C2orf76: variants seen among roughly 807,000 people sequenced by gnomAD.
C2orf76 encodes chromosome 2 open reading frame 76.
C2orf76 carries 23 observed loss-of-function variants against 16.9 expected under a neutral mutation model. The ratio of observed to expected loss-of-function variants is 1.36; its 90% CI spans 0.98 to 1.93. The LOEUF (loss-of-function observed/expected upper bound fraction) is 1.93. Ranked by LOEUF, C2orf76 falls within the 30% of genes most tolerant of loss-of-function variation. The probability of loss-of-function intolerance (pLI) is 0.00; values close to 1 mark genes in which losing one functional copy is unlikely to be tolerated. For synonymous variants in C2orf76, 48 were observed against 52.3 expected (o/e 0.92, Z 0.35); for missense variants, 152 against 152.6 (o/e 1.00, Z 0.02).
intron 5 of C2orf76, among the ~76,000 whole-genome samples, chr2:119,304,221 A>G (rs1484787891): frequency 2.0e-5 from 3 of 152,250 alleles, no homozygotes; most frequent in Admixed American, 1.3e-4. Flanking sequence ...TGAGCAAAAG[A>G]CACCCTGTTC....
chr2:119,336,055 A>T (rs1490577287), intron 2 of C2orf76, among the ~76,000 whole-genome samples: 1 of 152,168 alleles, frequency 6.6e-6, no homozygotes, highest in African/African-American at 2.4e-5. Flanking sequence ...TCATCTATAG[A>T]TGGTAATATA....
downstream of C2orf76, among the ~76,000 whole-genome samples, chr2:119,298,298 G>T (rs1678569871): frequency 1.3e-5 from 2 of 152,130 alleles, no homozygotes; most frequent in African/African-American, 4.8e-5. Flanking sequence ...ATGGTATGAA[G>T]TAGGACCCTT....
At chr2:119,366,953 A>C (rs1681036652), upstream of C2orf76, 1 of 1,492,552 alleles carries the variant, frequency 6.7e-7, no homozygotes, top group East Asian at 2.3e-5. Context: ...GGGCGAGTGG[A>C]CCGCGCCTCT....
intron 1 of C2orf76, among the ~76,000 whole-genome samples, chr2:119,363,271 A>G (rs1425864397): frequency 6.6e-6 from 1 of 152,020 alleles, no homozygotes. Context: ...CAAAATACAA[A>G]AAATTAGCCG....
At chr2:119,347,694 A>G (rs1680249526) in intron 1 of C2orf76, among the ~76,000 whole-genome samples, 1 of 152,174 alleles carries the variant, frequency 6.6e-6, no homozygotes, top group South Asian at 2.1e-4. Context: ...CAACATATCG[A>G]GACCTCATCT....
intron 4 of C2orf76, among the ~76,000 whole-genome samples, chr2:119,313,405 T>C (rs1254752974): frequency 2.0e-5 from 3 of 151,728 alleles, no homozygotes; most frequent in Admixed American, 2.0e-4. Context: ...CTGAGCAAGA[T>C]AGCAAGACCC....
chr2:119,366,460 G>C (rs1436647481), intron 1 of C2orf76: 1 of 471,662 alleles, frequency 2.1e-6, no homozygotes, highest in Non-Finnish European at 4.4e-6. Flanking sequence ...AAGAAGCCTC[G>C]GCTTCGCCTT....
At chr2:119,287,480 A>G in the C2orf76 span, among the ~76,000 whole-genome samples, 1 of 151,528 alleles carries the variant, frequency 6.6e-6, no homozygotes. Context: ...TCAAGTATAC[A>G]ACTTTAGAGG....
At chr2:119,311,826 C>T (rs1309018797) in intron 4 of C2orf76, 123 bp from the exon 5 acceptor site, 6 of 918,174 alleles carry the variant, frequency 6.5e-6, no homozygotes, top group Non-Finnish European at 9.6e-6. Context: ...TTCCACTGCC[C>T]TGGCCGTAAT....
chr2:119,294,367 G>T, the C2orf76 span, among the ~76,000 whole-genome samples: 2 of 152,200 alleles, frequency 1.3e-5, no homozygotes, highest in Non-Finnish European at 2.9e-5. Context: ...AGGGTATGGA[G>T]AACTCGGTTC....
chr2:119,308,764 C>T (rs1313918567), intron 5 of C2orf76, among the ~76,000 whole-genome samples: 3 of 152,236 alleles, frequency 2.0e-5, no homozygotes, highest in Admixed American at 2.0e-4. Flanking sequence ...GGGCTAACCC[C>T]ACCACCCTTC....
intron 1 of C2orf76, among the ~76,000 whole-genome samples, chr2:119,342,704 A>T (rs1378701600): frequency 1.3e-5 from 2 of 152,154 alleles, no homozygotes; most frequent in Non-Finnish European, 2.9e-5. Flanking sequence ...TGGGGCTTCA[A>T]TTATATTAGT....
At chr2:119,314,229 A>C (rs1018498188) in intron 4 of C2orf76, among the ~76,000 whole-genome samples, 1 of 151,848 alleles carries the variant, frequency 6.6e-6, no homozygotes, top group Non-Finnish European at 1.5e-5. Flanking sequence ...CATCGTGGAG[A>C]ATTTCAAATA....
intron 2 of C2orf76, among the ~76,000 whole-genome samples, chr2:119,334,693 A>G (rs1269986291): frequency 1.6e-5 from 1 of 61,704 alleles, no homozygotes; most frequent in Non-Finnish European, 3.6e-5. Context: ...TCTCTCTCAG[A>G]AAAAAACAAA....
At chr2:119,304,094 T>C (rs1287109654) in intron 5 of C2orf76, among the ~76,000 whole-genome samples, 4 of 152,234 alleles carry the variant, frequency 2.6e-5, no homozygotes, top group East Asian at 3.8e-4. Flanking sequence ...TCAAAGATAT[T>C]TGGAAATCTA....
the C2orf76 span, among the ~76,000 whole-genome samples, chr2:119,291,787 TA>T: frequency 2.3e-4 from 35 of 152,212 alleles, no homozygotes; most frequent in East Asian, 4.6e-3. Context: ...GCGATGGGAT[TA>T]GTAGTATTTC....
chr2:119,345,860 G>T lies in C2orf76; in HGVS notation c.-12-5889C>A, dbSNP rs373632290. ...GCGGATCACAAGGTCAGGAGATTGA[G>T]ACCATCCTGGCTAACACGGTGAAAC... is the stretch of plus-strand genomic sequence containing the variant. On this transcript the variant is annotated intron_variant, in intron 1 of 5. Coordinates refer to ENST00000334816, the MANE Select transcript of C2orf76 (RefSeq NM_001322331.2). 8.8e-4 allele frequency among the ~76,000 whole-genome samples: 134 copies of T among 152,074 alleles called. 2 individuals carry two copies. The East Asian group carries it at 0.021, about 24-fold the overall frequency.
chr2:119,340,781 C>T (rs1680001234), intron 1 of C2orf76, among the ~76,000 whole-genome samples: 1 of 151,466 alleles, frequency 6.6e-6, no homozygotes, highest in African/African-American at 2.4e-5. Flanking sequence ...CACACACACA[C>T]ACACACACAC....
chr2:119,350,076 G>GCC (rs1344357904), intron 1 of C2orf76, among the ~76,000 whole-genome samples: 2 of 32,850 alleles, frequency 6.1e-5, no homozygotes, highest in African/African-American at 9.8e-5. Context: ...ACCGCCCCCC[G>GCC]CCCCCCCACC....
Sources: allele counts gnomAD v4.1 joint callset (sites outside exome capture counted in the v4.1 genomes callset), GRCh38; gene constraint gnomAD v4.1.1; transcripts MANE v1.5; gene names NCBI Gene and HGNC (gene_info 2026-07-23, HGNC 2026-07-21).